Variants in SHC4 observed in about 807,000 individuals in gnomAD.
SHC4 encodes the protein SHC-transforming protein 4.
Under a neutral mutation model 69.4 loss-of-function variants are expected in SHC4, and 41 were observed. That is an observed-to-expected ratio of 0.59 (90% CI 0.46 to 0.77). The LOEUF is 0.77. SHC4 is among the 30% of genes least tolerant of loss of function. The pLI, the probability that SHC4 is intolerant of heterozygous loss-of-function variation, is 0.00. For synonymous variants in SHC4, 318 were observed against 299.3 expected (o/e 1.06, Z -0.64); for missense variants, 777 against 783.8 (o/e 0.99, Z 0.10).
intron 2 of SHC4, among the ~76,000 whole-genome samples, chr15:48,910,106 T>G (rs1475861697): frequency 6.6e-6 from 1 of 152,150 alleles, no homozygotes; most frequent in African/African-American, 2.4e-5. Flanking sequence ...TTCTCTATAT[T>G]GTGTAATAAT....
intron 1 of SHC4, among the ~76,000 whole-genome samples, chr15:48,959,248 C>T (rs919960604): frequency 6.6e-5 from 10 of 152,192 alleles, no homozygotes; most frequent in Non-Finnish European, 1.2e-4. Flanking sequence ...TTTTCACTTA[C>T]CCCACTTTAT....
At chr15:48,890,662 T>A in intron 3 of SHC4, 86 bp downstream of exon 3, 1 of 1,486,262 alleles carries the variant, frequency 6.7e-7, no homozygotes, top group Non-Finnish European at 9.4e-7. Context: ...ACCTTGGTCA[T>A]ATGGTGGGAT....
rs545101841 is a variant in SHC4, at chr15:48,878,008, C to CT, written c.841-5867dup. On this transcript the variant is annotated intron_variant, in intron 4 of 11. Coordinates refer to ENST00000332408, the MANE Select transcript of SHC4 (RefSeq NM_203349.4). ...CGACGCCAACACCCCGGAGAAAACA[C>CT]TGAGCTACTCCAACCACAGTGGCGC... 1.9e-5 allele frequency: 14 copies of CT among 749,186 alleles called. No individual in the cohort carries two copies. In the South Asian group the frequency reaches 3.3e-4, roughly 18 times the overall value. The allele number at this position is 749,186 out of a possible 1,614,324, so 46.4% of individuals were successfully genotyped here.
chr15:48,958,322 T>A (rs2141043114), intron 1 of SHC4, among the ~76,000 whole-genome samples: 1 of 152,238 alleles, frequency 6.6e-6, no homozygotes, highest in Non-Finnish European at 1.5e-5. Context: ...TGGAGGCAAG[T>A]GAGAGGTTGG....
At chr15:48,939,297 A>G (rs1482581107) in intron 1 of SHC4, among the ~76,000 whole-genome samples, 1 of 152,228 alleles carries the variant, frequency 6.6e-6, no homozygotes, top group Admixed American at 6.5e-5. Flanking sequence ...GAATCAGGGA[A>G]GAAGGGTCAG....
intron 2 of SHC4, among the ~76,000 whole-genome samples, chr15:48,914,413 G>A (rs530825747): frequency 2.8e-4 from 42 of 152,242 alleles, no homozygotes; most frequent in Admixed American, 3.3e-4. Context: ...TACTCCTTTC[G>A]AGGTGATTTT....
chr15:48,828,878 A>G (rs188034928), intron 11 of SHC4, among the ~76,000 whole-genome samples: 1 of 152,166 alleles, frequency 6.6e-6, no homozygotes, highest in Admixed American at 6.5e-5. Flanking sequence ...TTTTTTTGCT[A>G]TAGAGTTGTA....
intron 1 of SHC4, among the ~76,000 whole-genome samples, chr15:48,951,408 C>T (rs1278751112): frequency 6.6e-6 from 1 of 152,118 alleles, no homozygotes; most frequent in Non-Finnish European, 1.5e-5. Context: ...GCTCCCTCCT[C>T]TTGCATCCTC....
intron 2 of SHC4, among the ~76,000 whole-genome samples, chr15:48,910,759 T>C (rs962648965): frequency 6.6e-6 from 1 of 152,168 alleles, no homozygotes; most frequent in Non-Finnish European, 1.5e-5. Context: ...TTTGATAGAT[T>C]GTGTCATTAT....
chr15:48,875,201 C>T (rs1899772032), intron 4 of SHC4, among the ~76,000 whole-genome samples: 1 of 151,674 alleles, frequency 6.6e-6, no homozygotes, highest in Non-Finnish European at 1.5e-5. Context: ...GGCTATCTAA[C>T]AAAGCCATGA....
intron 4 of SHC4, chr15:48,878,080 AC>A: frequency 6.8e-7 from 1 of 1,471,228 alleles, no homozygotes; most frequent in East Asian, 2.3e-5. Flanking sequence ...GCGCGGGGTT[AC>A]GCAAGCGCGC....
At chr15:48,836,213 A>G (rs1167896564) in intron 10 of SHC4, among the ~76,000 whole-genome samples, 1 of 152,108 alleles carries the variant, frequency 6.6e-6, no homozygotes, top group Non-Finnish European at 1.5e-5. Flanking sequence ...AGGAAGGTTA[A>G]GGGACTTAAA....
At chr15:48,858,853 A>T (rs1022602619) in intron 6 of SHC4, among the ~76,000 whole-genome samples, 1 of 152,224 alleles carries the variant, frequency 6.6e-6, no homozygotes, top group Non-Finnish European at 1.5e-5. Context: ...TAATATACAC[A>T]AGAGTGTTGT....
intron 10 of SHC4, among the ~76,000 whole-genome samples, chr15:48,842,811 G>A (rs1238024674): frequency 1.3e-5 from 2 of 152,072 alleles, no homozygotes; most frequent in Admixed American, 1.3e-4. Flanking sequence ...CGTGCCTGTA[G>A]TCCCAGCTGC....
At chr15:48,826,302 A>G (rs936610282) in intron 11 of SHC4, among the ~76,000 whole-genome samples, 176 bp from the exon 12 acceptor site, 1 of 149,216 alleles carries the variant, frequency 6.7e-6, no homozygotes, top group African/African-American at 2.5e-5. Context: ...CCCAGGTTAG[A>G]GTGTAGTGGC....
At chr15:48,957,214 G>A (rs1298383234) in intron 1 of SHC4, among the ~76,000 whole-genome samples, 1 of 152,034 alleles carries the variant, frequency 6.6e-6, no homozygotes, top group East Asian at 1.9e-4. Context: ...CTGACCTCAA[G>A]TGATATGCGT....
At chr15:48,959,160 A>G (rs1482128554) in intron 1 of SHC4, among the ~76,000 whole-genome samples, 1 of 152,268 alleles carries the variant, frequency 6.6e-6, no homozygotes, top group African/African-American at 2.4e-5. Flanking sequence ...GCAAGAAAAC[A>G]AAGTAAAGAG....
At chr15:48,840,777 A>G (rs543292410) in intron 10 of SHC4, among the ~76,000 whole-genome samples, 3 of 152,152 alleles carry the variant, frequency 2.0e-5, no homozygotes, top group Non-Finnish European at 4.4e-5. Flanking sequence ...GGAGGGAGCA[A>G]TGTTGAATTT....
chr15:48,944,048 A>G (rs186683576), intron 1 of SHC4, among the ~76,000 whole-genome samples: 1 of 152,126 alleles, frequency 6.6e-6, no homozygotes, highest in Non-Finnish European at 1.5e-5. Context: ...ACCTTTTTAT[A>G]TAGCTGTTGG....
Sources: allele counts gnomAD v4.1 joint callset (sites outside exome capture counted in the v4.1 genomes callset), GRCh38; gene constraint gnomAD v4.1.1; transcripts MANE v1.5; gene names NCBI Gene and HGNC (gene_info 2026-07-23, HGNC 2026-07-21).